Variants in THSD4 observed in about 807,000 individuals in gnomAD.
THSD4 encodes the protein thrombospondin type-1 domain-containing protein 4.
A neutral mutation model predicts 119.0 loss-of-function variants in THSD4; 69 were observed. The ratio of observed to expected loss-of-function variants is 0.58; its 90% confidence interval spans 0.48 to 0.71. The LOEUF is 0.71. Among genes scored for constraint, THSD4 ranks in the 30% least tolerant of loss-of-function variants. The probability of loss-of-function intolerance (pLI) is 0.00; values close to 1 mark genes in which losing one functional copy is unlikely to be tolerated. For synonymous variants in THSD4, 524 were observed against 540.4 expected (o/e 0.97, Z 0.42); for missense variants, 1,393 against 1,391.1 (o/e 1.00, Z -0.02).
Position 71,213,839 on chromosome 15 carries a change from C to T in THSD4, c.100-1196C>T, listed in dbSNP as rs1410646712. ...TTAGTGCCAAGCTCTCTGCTATGCA[C>T]ATGGATGGCCTAACCTAAATCCCCT... On this transcript the variant is annotated intron_variant, in intron 3 of 17. Coordinates refer to ENST00000261862, the MANE Select transcript of THSD4 (RefSeq NM_024817.3). Among the ~76,000 whole-genome samples, 3 of 152,324 alleles carry T rather than the reference C, an allele frequency of 2.0e-5. No individual in the cohort carries two copies. In the East Asian group the frequency reaches 5.8e-4, roughly 29 times the overall value.
chr15:71,240,593 A>C (rs1214073405), intron 4 of THSD4, among the ~76,000 whole-genome samples: 1 of 152,086 alleles, frequency 6.6e-6, no homozygotes, highest in Non-Finnish European at 1.5e-5. Flanking sequence ...GCTATTCCAC[A>C]TGTCCATTTC....
At chr15:71,407,841 A>G (rs1392793421) in intron 6 of THSD4, among the ~76,000 whole-genome samples, 1 of 152,186 alleles carries the variant, frequency 6.6e-6, no homozygotes, top group Non-Finnish European at 1.5e-5. Flanking sequence ...TTTCTGATCC[A>G]GGATGTCTGG....
chr15:71,477,360 A>G (rs1442710282), intron 7 of THSD4, among the ~76,000 whole-genome samples: 1 of 152,198 alleles, frequency 6.6e-6, no homozygotes, highest in Non-Finnish European at 1.5e-5. Flanking sequence ...GAAGTTGCCC[A>G]GAGGAGTCCA....
intron 4 of THSD4, among the ~76,000 whole-genome samples, chr15:71,230,858 C>T (rs571795203): frequency 3.3e-5 from 5 of 152,332 alleles, no homozygotes; most frequent in South Asian, 4.1e-4. Flanking sequence ...TACCTTTGTG[C>T]GAATCCAAAA....
Position 71,137,225 on chromosome 15 carries a change from CCT to C in THSD4, c.-79-4220_-79-4219del, listed in dbSNP as rs1236492030. On this transcript the variant is annotated intron_variant, in intron 1 of 17. Transcript: ENST00000261862. The stretch of plus-strand genomic sequence containing the variant: ...TCCGCAGACAGCACGTGTGCTCAGC[CCT>C]CTCGGTGCACCCTTGCCAGACGGAT... Among the ~76,000 whole-genome samples, 10 of 152,246 alleles carry C rather than the reference CCT, an allele frequency of 6.6e-5. No individual in the cohort carries two copies. In the East Asian group the frequency reaches 1.9e-3, roughly 29 times the overall value.
intron 7 of THSD4, among the ~76,000 whole-genome samples, chr15:71,473,056 C>CTTTT (rs35085059): frequency 1.5e-5 from 2 of 129,314 alleles, no homozygotes; most frequent in African/African-American, 2.9e-5. Context: ...CTGTATTTGG[C>CTTTT]TTTTTTTTTT....
intron 3 of THSD4, among the ~76,000 whole-genome samples, chr15:71,168,714 C>T (rs561482341): frequency 2.0e-5 from 3 of 152,186 alleles, no homozygotes; most frequent in Non-Finnish European, 1.5e-5. Flanking sequence ...GTAGGATGTG[C>T]AACCAGTGAC....
At chr15:71,540,079 G>C (rs1279644490) in intron 7 of THSD4, among the ~76,000 whole-genome samples, 1 of 151,516 alleles carries the variant, frequency 6.6e-6, no homozygotes, top group African/African-American at 2.4e-5. Context: ...GAGGACTTGT[G>C]CATGGCTTCA....
intron 7 of THSD4, among the ~76,000 whole-genome samples, chr15:71,634,216 G>C (rs1359217427): frequency 1.3e-5 from 2 of 148,850 alleles, no homozygotes; most frequent in Non-Finnish European, 3.0e-5. Flanking sequence ...AAAAGAAAAA[G>C]AAATAATCCT....
chr15:71,667,626 C>G (rs1202344797), intron 8 of THSD4, among the ~76,000 whole-genome samples: 1 of 152,194 alleles, frequency 6.6e-6, no homozygotes, highest in Non-Finnish European at 1.5e-5. Context: ...TATCATGGAT[C>G]ATCTATAATT....
chr15:71,561,984 G>T (rs890820582), intron 7 of THSD4, among the ~76,000 whole-genome samples: 10 of 151,940 alleles, frequency 6.6e-5, no homozygotes, highest in African/African-American at 2.4e-4. Context: ...AAATTCCAGT[G>T]TCTTGAATCA....
At chr15:71,587,100 A>G (rs368921788) in intron 7 of THSD4, among the ~76,000 whole-genome samples, 1 of 150,476 alleles carries the variant, frequency 6.6e-6, no homozygotes, top group African/African-American at 2.4e-5. Context: ...TTAGAATGGC[A>G]ATCATTAAAA....
chr15:71,493,121 GT>G (rs1309694448), intron 7 of THSD4, among the ~76,000 whole-genome samples: 1 of 152,178 alleles, frequency 6.6e-6, no homozygotes, highest in Non-Finnish European at 1.5e-5. Context: ...AGTAAAAATG[GT>G]TTGGGAAGAC....
At chr15:71,626,455 T>G (rs2050512388) in intron 7 of THSD4, among the ~76,000 whole-genome samples, 1 of 152,232 alleles carries the variant, frequency 6.6e-6, no homozygotes, top group Non-Finnish European at 1.5e-5. Context: ...GGAGGTAGGT[T>G]CTGGTAGAAA....
chr15:71,303,691 T>G (rs1194145900), intron 6 of THSD4, among the ~76,000 whole-genome samples: 1 of 152,186 alleles, frequency 6.6e-6, no homozygotes, highest in African/African-American at 2.4e-5. Context: ...TACCTCCTTA[T>G]AAACTGGGCC....
intron 8 of THSD4, among the ~76,000 whole-genome samples, chr15:71,671,157 CTTTTT>C (rs1215808439): frequency 3.3e-5 from 5 of 152,160 alleles, no homozygotes; most frequent in Admixed American, 2.6e-4. Flanking sequence ...TAGTTCCTGA[CTTTTT>C]AATGATTGCC....
rs543050351 is a variant in THSD4, at chr15:71,528,956, ACT to A, written c.1152+117136_1152+117137del. ...GAAGATCCTGACTGCTATGGCAAAG[ACT>A]CTTTCGTTGTCTGCCAAACCTGAGT... On this transcript the variant is annotated intron_variant, in intron 7 of 17. Transcript: ENST00000261862. Among the ~76,000 whole-genome samples, 980 of 152,132 alleles carry A rather than the reference ACT, an allele frequency of 6.4e-3. 12 individuals carry two copies. Among genetic ancestry groups the A allele is most frequent in the African/African-American group, 0.022 (931 of 41,512 alleles).
chr15:71,547,272 G>T, intron 7 of THSD4: 1 of 1,473,170 alleles, frequency 6.8e-7, no homozygotes. Context: ...GGGCAGTACA[G>T]TGAGGGAGAG....
chr15:71,182,936 A>G (rs2043549675), intron 3 of THSD4, among the ~76,000 whole-genome samples: 1 of 151,726 alleles, frequency 6.6e-6, no homozygotes. Flanking sequence ...CATTTGATGC[A>G]TGCTTTTGCT....
Sources: allele counts gnomAD v4.1 joint callset (sites outside exome capture counted in the v4.1 genomes callset), GRCh38; gene constraint gnomAD v4.1.1; transcripts MANE v1.5; gene names NCBI Gene and HGNC (gene_info 2026-07-23, HGNC 2026-07-21).